The following NFIC variants were observed in gnomAD, a reference collection of about 807,000 sequenced individuals.
NFIC encodes nuclear factor I C, also known as nuclear factor 1 C-type.
A neutral mutation model predicts 54.4 loss-of-function variants in NFIC; 12 were observed. That is an observed-to-expected ratio of 0.22 (90% CI 0.14 to 0.36). The LOEUF (loss-of-function observed/expected upper bound fraction) is 0.36, where lower values mean the gene tolerates loss of function less well. NFIC is among the 10% of genes least tolerant of loss of function. The probability of loss-of-function intolerance (pLI) is 1.00; values close to 1 mark genes in which losing one functional copy is unlikely to be tolerated. For missense variants in NFIC, 575 were observed against 718.2 expected (o/e 0.80, Z 2.28); for synonymous variants, 322 against 319.2 (o/e 1.01, Z -0.09).
intron 2 of NFIC, among the ~76,000 whole-genome samples, chr19:3,413,217 G>A (rs1191760700): frequency 6.6e-6 from 1 of 152,040 alleles, no homozygotes; most frequent in Non-Finnish European, 1.5e-5. Flanking sequence ...CTAAAGTGCT[G>A]GAATTACAGG....
At chr19:3,432,634 T>C (rs1175900433) in intron 3 of NFIC, among the ~76,000 whole-genome samples, 3 of 150,868 alleles carry the variant, frequency 2.0e-5, no homozygotes, top group East Asian at 1.9e-4. Flanking sequence ...AGGCAGGTGA[T>C]GGAGCCGATG....
At chr19:3,385,615 C>T (rs193277342) in intron 2 of NFIC, among the ~76,000 whole-genome samples, 142 of 145,120 alleles carry the variant, frequency 9.8e-4, no homozygotes, top group African/African-American at 3.4e-3. Context: ...CTCTGTCTCC[C>T]AGGCTGGAGT....
At position 3,375,316 on chromosome 19, in the gene NFIC, A is replaced by G. The variant is rs2081086792; in HGVS notation, c.31-6396A>G. ...CTCCTGCCCGCCTGGCATCTCCTCC[A>G]CAGGCAGGTCCTGCGCCTCTATGGG... On this transcript the variant is annotated intron_variant, in intron 1 of 10. Coordinates refer to ENST00000443272, the MANE Select transcript of NFIC (RefSeq NM_001245002.2). This position sits in a 1 kb window ranked among gnomAD's most constrained non-coding sequence, Gnocchi z 4.6. 6.6e-6 allele frequency among the ~76,000 whole-genome samples: 1 copy of G among 152,072 alleles called. No individual in the cohort carries two copies. Among genetic ancestry groups the G allele is most frequent in the Non-Finnish European group, 1.5e-5 (1 of 68,002 alleles).
chr19:3,384,395 TTTC>T (rs2081260324), intron 2 of NFIC, among the ~76,000 whole-genome samples: 1 of 151,404 alleles, frequency 6.6e-6, no homozygotes. Flanking sequence ...TTTTTTTTTC[TTTC>T]TTTTTTTGGA....
chr19:3,441,851 C>A (rs1394793249), intron 6 of NFIC, among the ~76,000 whole-genome samples: 1 of 152,234 alleles, frequency 6.6e-6, no homozygotes, highest in Non-Finnish European at 1.5e-5. Flanking sequence ...CCCTGGCCAC[C>A]ACCCTGGGAT....
At chr19:3,377,810 C>T (rs1023285624) in intron 1 of NFIC, among the ~76,000 whole-genome samples, 8 of 152,012 alleles carry the variant, frequency 5.3e-5, no homozygotes, top group African/African-American at 1.9e-4. Context: ...TTAGTAGAGA[C>T]GGGGTTTCGA....
intron 2 of NFIC, among the ~76,000 whole-genome samples, chr19:3,419,913 C>T (rs1297234327): frequency 3.3e-5 from 5 of 152,218 alleles, no homozygotes; most frequent in African/African-American, 9.6e-5. Flanking sequence ...ACAGCTAACC[C>T]CGTACTTAGT....
intron 5 of NFIC, 124 bp downstream of exon 5, chr19:3,434,524 A>G: frequency 7.3e-7 from 1 of 1,376,990 alleles, no homozygotes; most frequent in East Asian, 2.5e-5. Context: ...CTGGCCTGAG[A>G]AACTCCTACT....
chr19:3,371,921 T>TTCCTTCCTTCCTTCCTTCCC (rs1217961246), intron 1 of NFIC, among the ~76,000 whole-genome samples: 1 of 133,540 alleles, frequency 7.5e-6, no homozygotes, highest in Non-Finnish European at 1.6e-5. Context: ...CCTTCCTTCC[T>TTCCTTCCTTCCTTCCTTCCC]TCCTTCCTTC....
rs2082673189 is a variant in NFIC, at chr19:3,463,587, T to A, written c.*818T>A. 1 of 984,622 alleles carries A rather than the reference T, an allele frequency of 1.0e-6. No individual in the cohort carries two copies. The allele number at this position is 984,622 out of a possible 1,614,324, so 61.0% of individuals were successfully genotyped here. On this transcript the variant is annotated 3_prime_UTR_variant, in exon 11 of 11. Coordinates refer to ENST00000443272, the MANE Select transcript of NFIC (RefSeq NM_001245002.2). ...TCTTTCAGCCCTCGCGCCCGCCCGT[T>A]TGGGAGGAGAAGTCTCTATGCAATT...
upstream of NFIC, among the ~76,000 whole-genome samples, chr19:3,363,228 T>TATGTATGTGTGTGTGTGTGTGTGC (rs2080832748): frequency 1.6e-5 from 1 of 61,870 alleles, no homozygotes. Flanking sequence ...TGTATATGTA[T>TATGTATGTGTGTGTGTGTGTGTGC]GTGTATGTGT....
intron 7 of NFIC, among the ~76,000 whole-genome samples, chr19:3,450,277 G>A (rs1490374287): frequency 2.6e-5 from 4 of 151,458 alleles, no homozygotes; most frequent in East Asian, 1.9e-4. Context: ...CCCGGGAGGC[G>A]GAGCTTGCAG....
At chr19:3,376,185 T>A (rs990748082) in intron 1 of NFIC, among the ~76,000 whole-genome samples, 3 of 151,946 alleles carry the variant, frequency 2.0e-5, no homozygotes, top group Non-Finnish European at 4.4e-5. Context: ...CCCCAGCATC[T>A]TAGAGGGGCC....
At chr19:3,423,134 G>C (rs2081978166) in intron 2 of NFIC, among the ~76,000 whole-genome samples, 2 of 151,968 alleles carry the variant, frequency 1.3e-5, no homozygotes, top group South Asian at 4.2e-4. Context: ...AGAGGTGGAG[G>C]TTACAGCAAG....
intron 1 of NFIC, among the ~76,000 whole-genome samples, chr19:3,374,194 G>A (rs562524433): frequency 1.8e-4 from 27 of 152,312 alleles, no homozygotes; most frequent in Non-Finnish European, 2.6e-4. Context: ...GGTGGGAGGA[G>A]CACAGGGAGG....
At chr19:3,420,888 A>G (rs1441941491) in intron 2 of NFIC, among the ~76,000 whole-genome samples, 2 of 152,034 alleles carry the variant, frequency 1.3e-5, no homozygotes, top group African/African-American at 4.8e-5. Flanking sequence ...ACGCCCAGCT[A>G]ATTTTTGTAT....
chr19:3,370,109 G>C lies in NFIC; in HGVS notation c.30+3443G>C, dbSNP rs1009650042. On this transcript the variant is annotated intron_variant, in intron 1 of 10. Coordinates refer to ENST00000443272, the MANE Select transcript of NFIC (RefSeq NM_001245002.2). This position sits in a 1 kb window ranked among gnomAD's most constrained non-coding sequence, Gnocchi z 5.2. ...AGTGTAGGTTCTTAGAGGGAGCTTG[G>C]GGGGTGCCTACCAGGAGCAGGGGGC... Among the ~76,000 whole-genome samples, 1 of 152,182 alleles carries C rather than the reference G, an allele frequency of 6.6e-6. No homozygotes were observed. The highest frequency in any genetic ancestry group is 1.5e-5 in the Non-Finnish European group (1 of 68,024).
chr19:3,411,518 A>G (rs1349940931), intron 2 of NFIC, among the ~76,000 whole-genome samples: 3 of 151,404 alleles, frequency 2.0e-5, no homozygotes, highest in African/African-American at 7.3e-5. Flanking sequence ...AGTAGAGACC[A>G]GGTTTCACCG....
chr19:3,463,226 C>T lies in NFIC; in HGVS notation c.*457C>T. ...AGGTGAGCACAGCCTGGAGCCTGTGCCCAGGGCCGACAGGCGCGACACCCA... is the reference window on the plus strand; with the variant it reads ...AGGTGAGCACAGCCTGGAGCCTGTGTCCAGGGCCGACAGGCGCGACACCCA... On this transcript the variant is annotated 3_prime_UTR_variant, in exon 11 of 11. Transcript: ENST00000443272. The T allele has an allele frequency of 1.0e-6, 1 of 996,644 alleles. No individual in the cohort carries two copies. Among genetic ancestry groups the T allele is most frequent in the Non-Finnish European group, 1.2e-6 (1 of 837,916 alleles). The allele number at this position is 996,644 out of a possible 1,614,324, so 61.7% of individuals were successfully genotyped here. A position where few individuals can be genotyped will look rare whatever the true frequency, so the allele number is the denominator to read the frequency against.
Sources: gnomAD v4.1 joint callset for allele counts (sites outside exome capture counted in the v4.1 genomes callset) on GRCh38, gnomAD v4.1.1 for gene constraint, Gnocchi (gnomAD v3.1) non-coding constraint, MANE v1.5 for transcripts, NCBI Gene and HGNC (gene_info 2026-07-23, HGNC 2026-07-21) for gene names.